IGF2R: variants seen among roughly 807,000 people sequenced by gnomAD.
IGF2R encodes the protein cation-independent mannose-6-phosphate receptor.
IGF2R carries 91 observed loss-of-function variants against 270.6 expected under a neutral mutation model. That is an observed-to-expected ratio of 0.34 (90% confidence interval 0.28 to 0.40). The LOEUF (loss-of-function observed/expected upper bound fraction) is 0.40. Among genes scored for constraint, IGF2R ranks in the 10% least tolerant of loss-of-function variants. IGF2R has a pLI of 1.00. For missense variants in IGF2R, 2,805 were observed against 3,188.3 expected (o/e 0.88, Z 2.90); for synonymous variants, 1,316 against 1,258.9 (o/e 1.05, Z -0.96).
rs1222868397 is a variant in IGF2R at position 160,107,333 on chromosome 6, A to G, written c.*2249A>G. On this transcript the variant is annotated 3_prime_UTR_variant, in exon 48 of 48. Coordinates refer to ENST00000356956, the MANE Select transcript of IGF2R (RefSeq NM_000876.4). ...ATCCCCTTGGTAAGCTGGATGGCAA[A>G]AAGGCATGTTGTCTGCACCACTGGC... 1.3e-5 allele frequency: 2 copies of G among 152,226 alleles called. No individual in the cohort carries two copies. The allele number at this position is 152,226 out of a possible 1,614,324, so 9.4% of individuals were successfully genotyped here. A position where few individuals can be genotyped will look rare whatever the true frequency, so the allele number is the denominator to read the frequency against.
intron 39 of IGF2R, among the ~76,000 whole-genome samples, chr6:160,083,549 G>A (rs1464614457): frequency 6.6e-6 from 1 of 152,234 alleles, no homozygotes; most frequent in Non-Finnish European, 1.5e-5. Flanking sequence ...CCATATTTCA[G>A]ACTATCACAT....
At chr6:160,072,913 C>G in intron 33 of IGF2R, 29 bp downstream of exon 33, 1 of 1,593,014 alleles carries the variant, frequency 6.3e-7, no homozygotes, top group South Asian at 1.1e-5. Context: ...CGTGTGTTGT[C>G]TGACTCTCCC....
In IGF2R at chr6:159,991,206, A is replaced by G. The variant is rs1404500006; in HGVS notation, c.172A>G (p.Thr58Ala). Residue 58 changes from threonine (T) to alanine (A), a missense_variant, in exon 2 of 48, where the codon ACC (threonine) becomes GCC (alanine). Physicochemically the swap from Thr to Ala is moderately conservative, Grantham distance 58. Transcript: ENST00000356956. ...CAGTTATACATGGGAAGCTGTTGAT[A>G]CCAAAAATAATGTACTTTATAAAAT... The part of the protein sequence containing the change: ...LCSYTWEAVD[T>A]KNNVLYKINI... The G allele has an allele frequency of 1.9e-6, 3 of 1,612,006 alleles. No individual in the cohort carries two copies. Among genetic ancestry groups the G allele is most frequent in the Non-Finnish European group, 2.5e-6 (3 of 1,178,846 alleles).
At chr6:159,980,530 C>T (rs554782769) in intron 1 of IGF2R, among the ~76,000 whole-genome samples, 36 of 152,326 alleles carry the variant, frequency 2.4e-4, no homozygotes, top group African/African-American at 7.5e-4. Flanking sequence ...TTAGGCTTTG[C>T]GGAGCCTCTG....
chr6:160,080,222 G>T lies in IGF2R; in HGVS notation c.5780G>T (p.Cys1927Phe), dbSNP rs1261375324. 6.2e-7 allele frequency: 1 copy of T among 1,614,214 alleles called. No individual in the cohort carries two copies. Among genetic ancestry groups the T allele is most frequent in the Admixed American group, 1.7e-5 (1 of 60,026 alleles). ...CIIESRAKLW[C>F]STTADYDRDH... ...ATAGAGAGCAGGGCGAAGCTGTGGT[G>T]TAGCACAACTGCGGACTACGACAGA... The change falls in exon 39 of 48, where the codon TGT becomes TTT. Residue 1927 changes from cysteine (C) to phenylalanine (F), a missense_variant. By Grantham distance (205) the Cys-to-Phe change is radical (BLOSUM62 -2). Coordinates refer to ENST00000356956, the MANE Select transcript of IGF2R (RefSeq NM_000876.4).
At chr6:160,000,821 C>T (rs890796633) in intron 2 of IGF2R, among the ~76,000 whole-genome samples, 6 of 149,326 alleles carry the variant, frequency 4.0e-5, no homozygotes, top group African/African-American at 5.0e-5. Context: ...CTGCATCCTC[C>T]GCCCCCTGGG....
chr6:160,002,691 A>G (rs1004975344), intron 2 of IGF2R, among the ~76,000 whole-genome samples: 23 of 152,170 alleles, frequency 1.5e-4, no homozygotes, highest in African/African-American at 5.3e-4. Context: ...TTATAAATTT[A>G]TGAGTATTAT....
chr6:160,028,876 T>A (rs1036312306), intron 6 of IGF2R, among the ~76,000 whole-genome samples: 3 of 151,734 alleles, frequency 2.0e-5, no homozygotes, highest in African/African-American at 7.3e-5. Context: ...GTTTTTTGCT[T>A]GTTTTAGTCA....
At chr6:159,987,391 A>G (rs553071181) in intron 1 of IGF2R, among the ~76,000 whole-genome samples, 2 of 152,248 alleles carry the variant, frequency 1.3e-5, no homozygotes, top group Non-Finnish European at 2.9e-5. Flanking sequence ...GGGGCTAGGC[A>G]TATTCGTTTT....
At chr6:160,087,075 C>T (rs2114728003) in intron 41 of IGF2R, among the ~76,000 whole-genome samples, 1 of 152,308 alleles carries the variant, frequency 6.6e-6, no homozygotes, top group East Asian at 1.9e-4. Flanking sequence ...ATACCTGCAG[C>T]TTAAAGCATG....
At chr6:160,039,313 A>T (rs1355406055) in intron 10 of IGF2R, among the ~76,000 whole-genome samples, 1 of 152,238 alleles carries the variant, frequency 6.6e-6, no homozygotes, top group South Asian at 2.1e-4. Context: ...AACATAGAAA[A>T]GGTCCACTAA....
chr6:160,090,234 C>T (rs1284619717), intron 44 of IGF2R, 131 bp downstream of exon 44: 7 of 582,016 alleles, frequency 1.2e-5, no homozygotes, highest in Non-Finnish European at 1.7e-5. Context: ...TAATTCTTTA[C>T]TTTGTTATGA....
rs1447596236 is a variant in IGF2R, at chr6:160,108,149, TACAC to T, written c.*3066_*3069del. 3.9e-5 allele frequency: 6 copies of T among 152,216 alleles called. No individual in the cohort carries two copies. Among genetic ancestry groups the T allele is most frequent in the Non-Finnish European group, 5.9e-5 (4 of 68,054 alleles). The allele number at this position is 152,216 out of a possible 1,614,324, so 9.4% of individuals were successfully genotyped here. A position where few individuals can be genotyped will look rare whatever the true frequency, so the allele number is the denominator to read the frequency against. On this transcript the variant is annotated 3_prime_UTR_variant, in exon 48 of 48. Coordinates refer to ENST00000356956, the MANE Select transcript of IGF2R (RefSeq NM_000876.4). ...TGAAGAATCCCATGGCTCAGGGAGGTACACTCATGTCCTTTCTTACTTCTCCGGT... is the reference window on the plus strand; with the variant it reads ...TGAAGAATCCCATGGCTCAGGGAGGTTCATGTCCTTTCTTACTTCTCCGGT...
At chr6:160,082,691 ATTAAGAAGTACGATGAAAGGCTG>A (rs1256232588) in intron 39 of IGF2R, among the ~76,000 whole-genome samples, 3 of 152,228 alleles carry the variant, frequency 2.0e-5, no homozygotes, top group Non-Finnish European at 4.4e-5. Context: ...CTGTGGGGTT[ATTAAGAAGTACGATGAAAGGCTG>A]TGTGCCAAGG....
intron 31 of IGF2R, among the ~76,000 whole-genome samples, chr6:160,070,420 C>T (rs1778692986): frequency 6.6e-6 from 1 of 152,180 alleles, no homozygotes. Flanking sequence ...TCACAGGTAG[C>T]GCTGCCACTT....
At chr6:160,065,169 G>A (rs1259244708) in intron 29 of IGF2R, among the ~76,000 whole-genome samples, 1 of 152,218 alleles carries the variant, frequency 6.6e-6, no homozygotes, top group East Asian at 1.9e-4. Flanking sequence ...ATGTCAGTGA[G>A]CAGAGTGGGC....
chr6:159,985,515 C>T (rs984668688), intron 1 of IGF2R, among the ~76,000 whole-genome samples: 4 of 152,210 alleles, frequency 2.6e-5, no homozygotes, highest in East Asian at 1.9e-4. Context: ...TGCTGTCATG[C>T]GTTCTTAGCC....
intron 1 of IGF2R, 115 bp downstream of exon 1, chr6:159,969,510 C>A: frequency 1.3e-6 from 1 of 756,376 alleles, no homozygotes; most frequent in Non-Finnish European, 1.7e-6. Flanking sequence ...CTCCGTTCCG[C>A]GCCGGGGTCC....
chr6:160,058,333 G>A (rs1208283572), intron 21 of IGF2R, among the ~76,000 whole-genome samples: 1 of 152,186 alleles, frequency 6.6e-6, no homozygotes, highest in Admixed American at 6.5e-5. Flanking sequence ...CGTGAAGACT[G>A]TTATTCTTCA....
Sources: gnomAD v4.1 joint callset for allele counts (sites outside exome capture counted in the v4.1 genomes callset) on GRCh38, gnomAD v4.1.1 for gene constraint, MANE v1.5 for transcripts, NCBI Gene and HGNC (gene_info 2026-07-23, HGNC 2026-07-21) for gene names.